Variants in PITPNB observed in about 807,000 individuals in gnomAD.
PITPNB encodes phosphatidylinositol transfer protein beta.
In PITPNB, 16 loss-of-function variants were observed where a neutral mutation model predicts 45.9. The ratio of observed to expected loss-of-function variants is 0.35; its 90% CI spans 0.24 to 0.53. PITPNB has a LOEUF of 0.53. Among genes scored for constraint, PITPNB ranks in the 20% least tolerant of loss-of-function variants. The pLI is 0.93. For synonymous variants in PITPNB, 112 were observed against 108.9 expected (o/e 1.03, Z -0.18); for missense variants, 188 against 330.5 (o/e 0.57, Z 3.34).
In PITPNB at chr22:27,854,898, A is replaced by G. The variant is rs1714239607; in HGVS notation, c.810T>C (p.Asp270=). Residue 270 remains aspartate, a synonymous_variant, in exon 11 of 12, where the codon GAT becomes GAC. Transcript: ENST00000335272. The part of the protein sequence containing the change: ...RGSVRGTSAA[D]V Reference sequence around the variant, plus strand: ...GACCCTACAGGGGACTCATCTAGACATCAGCAGCCGACGTGCCTCGAACGG... The same window carrying G: ...GACCCTACAGGGGACTCATCTAGACGTCAGCAGCCGACGTGCCTCGAACGG... 1 of 1,613,944 alleles carries G rather than the reference A, an allele frequency of 6.2e-7. No individual in the cohort carries two copies. Among genetic ancestry groups the G allele is most frequent in the African/African-American group, 1.3e-5 (1 of 75,044 alleles).
intron 8 of PITPNB, among the ~76,000 whole-genome samples, chr22:27,865,321 G>A (rs1189701992): frequency 6.6e-6 from 1 of 152,040 alleles, no homozygotes; most frequent in Non-Finnish European, 1.5e-5. Flanking sequence ...TCTGGCTTTT[G>A]GCTTCTTTTT....
At chr22:27,862,863 T>C (rs1934378950) in intron 8 of PITPNB, among the ~76,000 whole-genome samples, 2 of 152,192 alleles carry the variant, frequency 1.3e-5, no homozygotes, top group African/African-American at 4.8e-5. Flanking sequence ...GATGCTGGCT[T>C]GGGCTAAAAT....
intron 3 of PITPNB, among the ~76,000 whole-genome samples, chr22:27,904,291 T>C (rs1450667569): frequency 6.6e-6 from 1 of 152,222 alleles, no homozygotes; most frequent in East Asian, 1.9e-4. Flanking sequence ...CAATGGAATA[T>C]TACTCAGCAA....
At chr22:27,892,733 C>T (rs1309049529) in intron 7 of PITPNB, among the ~76,000 whole-genome samples, 1 of 152,202 alleles carries the variant, frequency 6.6e-6, no homozygotes, top group Non-Finnish European at 1.5e-5. Flanking sequence ...GATTGAAAAA[C>T]TCCCTATATA....
chr22:27,881,166 GA>G (rs551924855), intron 7 of PITPNB, among the ~76,000 whole-genome samples: 1 of 152,164 alleles, frequency 6.6e-6, no homozygotes, highest in East Asian at 1.9e-4. Flanking sequence ...GAAGATGGGG[GA>G]AAAATCTCTA....
intron 5 of PITPNB, 51 bp from the exon 6 acceptor site, chr22:27,896,677 GT>G: frequency 4.7e-6 from 6 of 1,263,392 alleles, no homozygotes; most frequent in Non-Finnish European, 5.8e-6. Flanking sequence ...CTGTTCCTTG[GT>G]GCCCACGTCT....
intron 3 of PITPNB, among the ~76,000 whole-genome samples, chr22:27,910,104 C>T (rs923149248): frequency 1.3e-5 from 2 of 152,114 alleles, no homozygotes; most frequent in African/African-American, 4.8e-5. Context: ...GCGTGCGCCA[C>T]CACACCCAGG....
At chr22:27,893,682 T>TG (rs1303370829) in intron 7 of PITPNB, among the ~76,000 whole-genome samples, 1 of 150,738 alleles carries the variant, frequency 6.6e-6, no homozygotes, top group Non-Finnish European at 1.5e-5. Context: ...CTCAAATTTC[T>TG]GGACTCAAGT....
rs1308007517 is a variant in PITPNB at position 27,914,332 on chromosome 22, T to C, written c.36A>G (p.Pro12=). 5 of 1,594,474 alleles carry C rather than the reference T, an allele frequency of 3.1e-6. No homozygotes were observed. The East Asian group carries it at 8.9e-5, about 29-fold the overall frequency. Residue 12 remains proline (P), a synonymous_variant, in exon 2 of 12, where the codon CCA becomes CCG. Coordinates refer to ENST00000335272, the MANE Select transcript of PITPNB (RefSeq NM_012399.5). ...VLIKEFRVVL[P]CSVQEYQVGQ... is the part of the protein sequence containing the mutation. ...AAAAACTCACCTCCTGAACAGAACA[T>C]GGCAAAACCACACGGCTAAAAAGAC...
intron 3 of PITPNB, among the ~76,000 whole-genome samples, chr22:27,900,815 C>G (rs919607940): frequency 3.3e-5 from 5 of 152,160 alleles, no homozygotes; most frequent in African/African-American, 1.2e-4. Context: ...TAGCAAGGCA[C>G]TTTAGTAAAA....
intron 10 of PITPNB, among the ~76,000 whole-genome samples, chr22:27,857,753 G>C (rs1183518636): frequency 6.6e-6 from 1 of 152,184 alleles, no homozygotes; most frequent in African/African-American, 2.4e-5. Flanking sequence ...CCATCCCGAG[G>C]AGAGAGAAGA....
Position 27,860,113 on chromosome 22 carries a change from A to G in PITPNB, c.645+18T>C, listed in dbSNP as rs748271060. On this transcript the variant is annotated intron_variant, in intron 9 of 11. Coordinates refer to ENST00000335272, the MANE Select transcript of PITPNB (RefSeq NM_012399.5). ...TCTCATCCTAAATCTAAGTCACCAC[A>G]TTTTGAGCAGATTTTACCTTTTGAA... is the stretch of plus-strand genomic sequence containing the variant. 6.9e-7 allele frequency: 1 copy of G among 1,453,804 alleles called. No homozygotes were observed. The highest frequency in any genetic ancestry group is 9.7e-7 in the Non-Finnish European group (1 of 1,034,232). The allele number at this position is 1,453,804 out of a possible 1,614,324, so 90.1% of individuals were successfully genotyped here. A position where few individuals can be genotyped will look rare whatever the true frequency, so the allele number is the denominator to read the frequency against.
intron 3 of PITPNB, among the ~76,000 whole-genome samples, chr22:27,901,407 C>CT (rs1278138166): frequency 6.6e-6 from 1 of 152,180 alleles, no homozygotes; most frequent in Non-Finnish European, 1.5e-5. Flanking sequence ...CACCCTTCTC[C>CT]TTCCCACTGC....
At chr22:27,906,583 G>A (rs1935768189) in intron 3 of PITPNB, among the ~76,000 whole-genome samples, 1 of 152,114 alleles carries the variant, frequency 6.6e-6, no homozygotes, top group Admixed American at 6.5e-5. Context: ...TGAGACATGT[G>A]GTAAGTTAAA....
chr22:27,872,097 T>TGG, intron 8 of PITPNB, among the ~76,000 whole-genome samples: 1 of 139,058 alleles, frequency 7.2e-6, no homozygotes, highest in African/African-American at 2.7e-5. Context: ...TTTTTTTTTT[T>TGG]TTTTTTTTTT....
At chr22:27,868,248 T>C (rs142480171) in intron 8 of PITPNB, among the ~76,000 whole-genome samples, 12 of 152,322 alleles carry the variant, frequency 7.9e-5, no homozygotes, top group Non-Finnish European at 1.3e-4. Flanking sequence ...TAAAAAACAC[T>C]GCTCATAAGC....
chr22:27,883,896 A>G (rs1478871930), intron 7 of PITPNB, among the ~76,000 whole-genome samples: 1 of 152,192 alleles, frequency 6.6e-6, no homozygotes, highest in Non-Finnish European at 1.5e-5. Context: ...TGGACTCAGC[A>G]GAGGTGATTC....
At chr22:27,876,130 C>G (rs549254737) in intron 7 of PITPNB, among the ~76,000 whole-genome samples, 1 of 152,144 alleles carries the variant, frequency 6.6e-6, no homozygotes, top group Non-Finnish European at 1.5e-5. Context: ...TCACCTACCC[C>G]AGCACTTCAA....
chr22:27,895,905 A>C (rs753492117), intron 6 of PITPNB, among the ~76,000 whole-genome samples: 47 of 152,198 alleles, frequency 3.1e-4, no homozygotes, highest in Non-Finnish European at 5.7e-4. Flanking sequence ...CCATCCAAAG[A>C]CCACACTTTT....
Sources: gnomAD v4.1 joint callset for allele counts (sites outside exome capture counted in the v4.1 genomes callset) on GRCh38, gnomAD v4.1.1 for gene constraint, MANE v1.5 for transcripts, NCBI Gene and HGNC (gene_info 2026-07-23, HGNC 2026-07-21) for gene names.